The following EYS variants were observed in gnomAD, a reference collection of about 807,000 sequenced individuals.
The protein encoded by EYS is EGF-like photoreceptor maintenance factor.
Under a neutral mutation model 282.1 loss-of-function variants are expected in EYS, and 250 were observed. The observed-to-expected ratio is 0.89, with a 90% CI of 0.80 to 0.98. The LOEUF is 0.98. Among genes scored for constraint, EYS ranks in the 50% least tolerant of loss-of-function variants. The pLI is 0.00. For missense variants in EYS, 4,016 were observed against 3,709.0 expected (o/e 1.08, Z -2.15); for synonymous variants, 1,355 against 1,282.9 (o/e 1.06, Z -1.20).
intron 31 of EYS, among the ~76,000 whole-genome samples, chr6:64,165,758 A>G (rs1216908400): frequency 6.6e-6 from 1 of 152,192 alleles, no homozygotes; most frequent in East Asian, 1.9e-4. Flanking sequence ...ATGGACTTCC[A>G]TAAGGCTTTT....
intron 13 of EYS, among the ~76,000 whole-genome samples, chr6:65,006,446 A>C (rs1378997257): frequency 1.5e-5 from 2 of 129,332 alleles, no homozygotes; most frequent in South Asian, 5.3e-4. Context: ...TAGAAAAGTA[A>C]CTTTTAGAGG....
chr6:64,540,754 G>T (rs1025491272), intron 26 of EYS, among the ~76,000 whole-genome samples: 6 of 152,122 alleles, frequency 3.9e-5, no homozygotes, highest in Non-Finnish European at 7.3e-5. Flanking sequence ...AAAGTGCTGG[G>T]ATTACAGGCA....
At chr6:65,117,649 G>T (rs762935685) in intron 12 of EYS, among the ~76,000 whole-genome samples, 5 of 152,116 alleles carry the variant, frequency 3.3e-5, no homozygotes, top group African/African-American at 7.2e-5. Flanking sequence ...ATATTAGAGA[G>T]TTCAACAACA....
intron 26 of EYS, among the ~76,000 whole-genome samples, chr6:64,588,305 A>G (rs1582925958): frequency 6.6e-6 from 1 of 152,092 alleles, no homozygotes; most frequent in African/African-American, 2.4e-5. Context: ...TGACAAATGT[A>G]GGACTCTAAT....
intron 26 of EYS, among the ~76,000 whole-genome samples, chr6:64,532,504 T>C (rs1441939601): frequency 6.6e-6 from 1 of 152,032 alleles, no homozygotes; most frequent in Non-Finnish European, 1.5e-5. Flanking sequence ...GGTCAGGAGA[T>C]CGAGACCATC....
chr6:63,923,178 TA>T (rs1328852372), intron 35 of EYS, among the ~76,000 whole-genome samples: 26 of 152,354 alleles, frequency 1.7e-4, no homozygotes, highest in Admixed American at 1.0e-3. Flanking sequence ...ATTGTACTTT[TA>T]TTTTTTTAGT....
intron 5 of EYS, among the ~76,000 whole-genome samples, chr6:65,464,833 T>C (rs1178839355): frequency 6.6e-6 from 1 of 152,150 alleles, no homozygotes; most frequent in Admixed American, 6.6e-5. Flanking sequence ...GGTTGGAAAC[T>C]TACCTTGTGT....
intron 14 of EYS, among the ~76,000 whole-genome samples, chr6:64,961,479 T>C (rs1769916044): frequency 6.6e-6 from 1 of 152,056 alleles, no homozygotes; most frequent in African/African-American, 2.4e-5. Context: ...ACACACACAA[T>C]TTATATACAC....
At chr6:64,039,706 G>A (rs914773844) in intron 33 of EYS, among the ~76,000 whole-genome samples, 1 of 152,156 alleles carries the variant, frequency 6.6e-6, no homozygotes, top group African/African-American at 2.4e-5. Context: ...TTTATGAAAT[G>A]AATGTGTGGT....
At chr6:65,201,691 T>A (rs1765905343) in intron 12 of EYS, among the ~76,000 whole-genome samples, 1 of 152,208 alleles carries the variant, frequency 6.6e-6, no homozygotes, top group Admixed American at 6.5e-5. Context: ...AAAGTTTATC[T>A]CTCTTATTCT....
chr6:65,652,602 T>C (rs750298353), intron 1 of EYS, among the ~76,000 whole-genome samples: 76 of 151,994 alleles, frequency 5.0e-4, no homozygotes, highest in Non-Finnish European at 9.6e-4. Flanking sequence ...AGAAAATTAA[T>C]AAGCTTGAAT....
chr6:64,538,437 C>A (rs1302679897), intron 26 of EYS, among the ~76,000 whole-genome samples: 4 of 152,032 alleles, frequency 2.6e-5, no homozygotes, highest in Admixed American at 2.6e-4. Context: ...CATATTTAGT[C>A]TTTTATAAAG....
chr6:63,806,000 G>A (rs894075194), intron 37 of EYS, among the ~76,000 whole-genome samples, 190 bp downstream of exon 37: 3 of 152,182 alleles, frequency 2.0e-5, no homozygotes, highest in Admixed American at 6.5e-5. Context: ...GCAAAGTAGA[G>A]CTTCAGAAAG....
chr6:64,696,702 T>A (rs13206911), intron 22 of EYS, among the ~76,000 whole-genome samples: 8,274 of 152,124 alleles, frequency 0.054, 296 homozygotes, highest in Non-Finnish European at 0.082. Context: ...ATTTTCAAAG[T>A]GCTTAAAGAA....
chr6:63,937,466 C>T (rs796588077), intron 35 of EYS, among the ~76,000 whole-genome samples: 15 of 143,218 alleles, frequency 1.0e-4, no homozygotes, highest in African/African-American at 3.6e-4. Flanking sequence ...CTACAATCTC[C>T]GCCTCCCGGG....
chr6:65,435,379 A>C (rs1270809281), intron 5 of EYS, among the ~76,000 whole-genome samples: 1 of 152,060 alleles, frequency 6.6e-6, no homozygotes, highest in Non-Finnish European at 1.5e-5. Flanking sequence ...CAAATTTTCT[A>C]ATAAAATTTT....
chr6:64,642,990 C>T (rs752634190), intron 22 of EYS, among the ~76,000 whole-genome samples: 16 of 152,126 alleles, frequency 1.1e-4, no homozygotes, highest in Non-Finnish European at 2.2e-4. Context: ...TGGCACATGC[C>T]TCTAATCCCA....
At chr6:65,527,937 G>A (rs975445394) in intron 2 of EYS, among the ~76,000 whole-genome samples, 3 of 152,154 alleles carry the variant, frequency 2.0e-5, no homozygotes, top group Admixed American at 2.0e-4. Context: ...TGGTTCAATA[G>A]GCTCACGACT....
intron 33 of EYS, among the ~76,000 whole-genome samples, chr6:64,048,862 T>C (rs947225380): frequency 6.6e-6 from 1 of 151,962 alleles, no homozygotes; most frequent in Non-Finnish European, 1.5e-5. Flanking sequence ...TTCCAATTAT[T>C]CTGACTATTC....
Sources: allele counts gnomAD v4.1 joint callset (sites outside exome capture counted in the v4.1 genomes callset), GRCh38; gene constraint gnomAD v4.1.1; transcripts MANE v1.5; gene names NCBI Gene and HGNC (gene_info 2026-07-23, HGNC 2026-07-21).